Variants in GLCCI1 observed in about 807,000 individuals in gnomAD.
The protein encoded by GLCCI1 is glucocorticoid induced 1, also known as glucocorticoid-induced transcript 1 protein.
A neutral mutation model predicts 52.2 loss-of-function variants in GLCCI1; 24 were observed. The observed-to-expected ratio is 0.46, with a 90% CI of 0.33 to 0.65. The LOEUF (loss-of-function observed/expected upper bound fraction) is 0.65, where lower values mean the gene tolerates loss of function less well. Among genes scored for constraint, GLCCI1 ranks in the 30% least tolerant of loss-of-function variants. The pLI is 0.02. For synonymous variants in GLCCI1, 310 were observed against 276.5 expected, an observed-to-expected ratio of 1.12 and a Z score of -1.20; for missense variants, 704 against 701.5, an observed-to-expected ratio of 1.00 and a Z score of -0.04.
intron 2 of GLCCI1, among the ~76,000 whole-genome samples, chr7:8,020,650 T>G (rs1781464938): frequency 6.6e-6 from 1 of 152,162 alleles, no homozygotes; most frequent in South Asian, 2.1e-4. Flanking sequence ...GTAATTCATA[T>G]TATAAATGTT....
intron 4 of GLCCI1, among the ~76,000 whole-genome samples, chr7:8,059,124 A>G (rs149146570): frequency 6.6e-6 from 1 of 152,290 alleles, no homozygotes; most frequent in East Asian, 1.9e-4. Context: ...GAAAATCTGT[A>G]TGTAAGTCGA....
At chr7:8,081,540 G>C (rs543270949) in intron 6 of GLCCI1, among the ~76,000 whole-genome samples, 1 of 152,206 alleles carries the variant, frequency 6.6e-6, no homozygotes, top group Non-Finnish European at 1.5e-5. Context: ...AAGTTCAATG[G>C]TATGCTCAAA....
chr7:7,997,367 G>A (rs1780955832), intron 1 of GLCCI1, among the ~76,000 whole-genome samples: 1 of 151,600 alleles, frequency 6.6e-6, no homozygotes, highest in Admixed American at 6.6e-5. Context: ...TGAGCTTTAG[G>A]AAATTTATGC....
chr7:8,042,954 T>C (rs949633979), intron 3 of GLCCI1, among the ~76,000 whole-genome samples: 2 of 152,324 alleles, frequency 1.3e-5, no homozygotes, highest in Non-Finnish European at 2.9e-5. Context: ...GTCAGTCAAT[T>C]TGGCAAACTT....
chr7:8,016,851 T>A lies in GLCCI1; in HGVS notation c.610-5632T>A, dbSNP rs999636702. Reference sequence around the variant, plus strand: ...ATTTTACTGTTACCGGGTTTAAATATAATAATATGGAATTAAGTGGACAGG... The same window carrying A: ...ATTTTACTGTTACCGGGTTTAAATAAAATAATATGGAATTAAGTGGACAGG... On this transcript the variant is annotated intron_variant, in intron 2 of 7. Transcript: ENST00000223145. Among the ~76,000 whole-genome samples, 110 of 152,334 alleles carry A rather than the reference T, an allele frequency of 7.2e-4. 1 individual carries two copies. The highest frequency in any genetic ancestry group is 2.4e-3 in the African/African-American group (101 of 41,574).
chr7:8,015,694 T>G (rs1384311856), intron 2 of GLCCI1, among the ~76,000 whole-genome samples: 1 of 152,222 alleles, frequency 6.6e-6, no homozygotes, highest in African/African-American at 2.4e-5. Flanking sequence ...GTTATATTAA[T>G]GAAAGATTTT....
At chr7:8,059,041 C>T (rs967641317) in intron 4 of GLCCI1, among the ~76,000 whole-genome samples, 1 of 152,110 alleles carries the variant, frequency 6.6e-6, no homozygotes, top group Non-Finnish European at 1.5e-5. Flanking sequence ...CCATTGTGTT[C>T]ACTTTGAGTA....
chr7:8,078,260 C>G (rs937703510), intron 6 of GLCCI1, among the ~76,000 whole-genome samples: 1 of 145,944 alleles, frequency 6.9e-6, no homozygotes, highest in Non-Finnish European at 1.5e-5. Flanking sequence ...TCCTTGTAAG[C>G]TTTGCTAAGA....
intron 6 of GLCCI1, among the ~76,000 whole-genome samples, chr7:8,074,107 G>A (rs1028374913): frequency 6.6e-6 from 1 of 152,146 alleles, no homozygotes; most frequent in African/African-American, 2.4e-5. Context: ...AACACTTATT[G>A]AGCATTTATT....
intron 5 of GLCCI1, among the ~76,000 whole-genome samples, chr7:8,068,612 C>T (rs973474483): frequency 6.6e-6 from 1 of 152,074 alleles, no homozygotes; most frequent in Non-Finnish European, 1.5e-5. Context: ...ACCTTCATTT[C>T]TATATTATGA....
intron 1 of GLCCI1, among the ~76,000 whole-genome samples, chr7:8,001,844 A>T (rs1013265785): frequency 3.9e-5 from 6 of 152,184 alleles, no homozygotes; most frequent in African/African-American, 7.2e-5. Context: ...TGAGCAAATT[A>T]TCGCAAGGAC....
At chr7:7,973,036 G>A (rs1168339664) in intron 1 of GLCCI1, among the ~76,000 whole-genome samples, 1 of 152,028 alleles carries the variant, frequency 6.6e-6, no homozygotes, top group Non-Finnish European at 1.5e-5. Context: ...TTAGTAAAAT[G>A]TCATCCTCCC....
At chr7:8,011,180 A>G (rs1039410099) in intron 2 of GLCCI1, among the ~76,000 whole-genome samples, 1 of 152,204 alleles carries the variant, frequency 6.6e-6, no homozygotes, top group Non-Finnish European at 1.5e-5. Flanking sequence ...CCATTTTTTA[A>G]ATGTACAGTT....
chr7:8,084,799 G>GGC (rs1341064541), intron 6 of GLCCI1, 98 bp from the exon 7 acceptor site: 1 of 1,175,268 alleles, frequency 8.5e-7, no homozygotes, highest in African/African-American at 1.5e-5. Flanking sequence ...AAAGCATAGG[G>GGC]GCAGTAGTGG....
At chr7:8,056,407 C>T (rs1282814258) in intron 4 of GLCCI1, among the ~76,000 whole-genome samples, 1 of 152,218 alleles carries the variant, frequency 6.6e-6, no homozygotes, top group Non-Finnish European at 1.5e-5. Context: ...CAACTATGCA[C>T]ATTATCTCAT....
At chr7:8,053,470 A>T (rs1782313149) in intron 3 of GLCCI1, among the ~76,000 whole-genome samples, 1 of 148,654 alleles carries the variant, frequency 6.7e-6, no homozygotes. Context: ...TTACAGGCCC[A>T]CACCACCACG....
At position 7,969,459 on chromosome 7, in the gene GLCCI1, G is replaced by T; in HGVS notation, c.109G>T (p.Ala37Ser). Residue 37 changes from alanine (A) to serine (S), a missense_variant, in exon 1 of 8, where the codon GCC (alanine) becomes TCC (serine). Coordinates refer to ENST00000223145, the MANE Select transcript of GLCCI1 (RefSeq NM_138426.4). The surrounding 1 kb of genome is among the most constrained non-coding windows in gnomAD (Gnocchi z 4.9). ...AAGSPPAVAA[A>S]GSGNGAGGGG... ...GGGGTCCCCGCCCGCCGTCGCCGCC[G>T]CCGGGAGCGGGAACGGTGCGGGCGG... The T allele has an allele frequency of 8.7e-7, 1 of 1,148,494 alleles. No individual in the cohort carries two copies. The highest frequency in any genetic ancestry group is 1.1e-6 in the Non-Finnish European group (1 of 935,116). 71.1% of individuals were successfully genotyped at this position (1,148,494 alleles called of 1,614,324 possible).
At chr7:8,025,432 AC>A (rs1350377208) in intron 3 of GLCCI1, among the ~76,000 whole-genome samples, 6 of 152,204 alleles carry the variant, frequency 3.9e-5, no homozygotes, top group African/African-American at 1.4e-4. Context: ...AAGGGCAATA[AC>A]TAAATATAAA....
At chr7:8,040,498 A>T (rs1393189447) in intron 3 of GLCCI1, among the ~76,000 whole-genome samples, 1 of 149,528 alleles carries the variant, frequency 6.7e-6, no homozygotes. Context: ...TCAAAAAAAA[A>T]CTTAAAAACC....
Sources: allele counts gnomAD v4.1 joint callset (sites outside exome capture counted in the v4.1 genomes callset), GRCh38; gene constraint gnomAD v4.1.1; non-coding constraint Gnocchi (gnomAD v3.1); transcripts MANE v1.5; gene names NCBI Gene and HGNC (gene_info 2026-07-23, HGNC 2026-07-21).